The following LEPR variants were observed in gnomAD, a reference collection of about 807,000 sequenced individuals.
LEPR encodes OB receptor.
A neutral mutation model predicts 114.7 loss-of-function variants in LEPR; 56 were observed. That is an observed-to-expected ratio of 0.49 (90% CI 0.39 to 0.61). LEPR has a LOEUF of 0.61. Among genes scored for constraint, LEPR ranks in the 20% least tolerant of loss-of-function variants. The pLI is 0.00. For synonymous variants in LEPR, 443 were observed against 461.4 expected (o/e 0.96, Z 0.51); for missense variants, 1,202 against 1,352.9 (o/e 0.89, Z 1.75).
At chr1:65,624,528 T>C (rs115563900) in intron 19 of LEPR, among the ~76,000 whole-genome samples, 1,586 of 152,268 alleles carry the variant, frequency 0.01, 9 homozygotes, top group Non-Finnish European at 0.015. Context: ...AAAACTTAGG[T>C]TGGTGCAAAA....
At chr1:65,475,267 C>T (rs1398095492) in intron 2 of LEPR, among the ~76,000 whole-genome samples, 1 of 152,172 alleles carries the variant, frequency 6.6e-6, no homozygotes, top group Non-Finnish European at 1.5e-5. Context: ...ATTCATTCTG[C>T]TCTCCTCTGG....
intron 2 of LEPR, among the ~76,000 whole-genome samples, chr1:65,518,534 CT>C (rs1446536469): frequency 6.6e-6 from 1 of 152,214 alleles, no homozygotes; most frequent in African/African-American, 2.4e-5. Context: ...TTAATTTTTG[CT>C]GATAACATTT....
intron 5 of LEPR, among the ~76,000 whole-genome samples, chr1:65,573,058 C>G (rs553243401): frequency 6.6e-6 from 1 of 152,304 alleles, no homozygotes; most frequent in East Asian, 1.9e-4. Context: ...ACTGACAGCT[C>G]TGGTACTCTC....
chr1:65,558,404 C>CA (rs775362421), intron 2 of LEPR, among the ~76,000 whole-genome samples: 15 of 150,530 alleles, frequency 1.0e-4, no homozygotes, highest in Non-Finnish European at 2.2e-4. Context: ...GTAAAATAAA[C>CA]AAACACTTTT....
chr1:65,452,455 C>G (rs965450039), intron 2 of LEPR, among the ~76,000 whole-genome samples: 11 of 151,736 alleles, frequency 7.2e-5, no homozygotes, highest in Non-Finnish European at 1.5e-4. Flanking sequence ...TACGTCCCAT[C>G]AATACCTAAT....
chr1:65,556,071 C>T (rs1652795381), intron 2 of LEPR, among the ~76,000 whole-genome samples: 1 of 152,058 alleles, frequency 6.6e-6, no homozygotes, highest in African/African-American at 2.4e-5. Flanking sequence ...GTTATTAGGT[C>T]ATGAGGGTGG....
intron 3 of LEPR, among the ~76,000 whole-genome samples, chr1:65,566,435 C>G (rs761848495): frequency 1.3e-5 from 2 of 152,090 alleles, no homozygotes; most frequent in African/African-American, 4.8e-5. Context: ...CTCTTGACCT[C>G]GTGATCTGCC....
chr1:65,470,979 A>T (rs1197390326), intron 2 of LEPR, among the ~76,000 whole-genome samples: 1 of 152,196 alleles, frequency 6.6e-6, no homozygotes, highest in Non-Finnish European at 1.5e-5. Context: ...CGTGGTTCAA[A>T]AAACAGCTTC....
intron 2 of LEPR, among the ~76,000 whole-genome samples, chr1:65,553,422 T>TC (rs1416359008): frequency 1.4e-4 from 22 of 152,210 alleles, no homozygotes; most frequent in Non-Finnish European, 1.5e-5. Flanking sequence ...TTCTTTGCAT[T>TC]CTTTTTTTTT....
chr1:65,640,280 A>G lies in LEPR; in HGVS notation c.*3265A>G, dbSNP rs944082711. The G allele has an allele frequency of 6.6e-6, 1 of 152,198 alleles. No individual in the cohort carries two copies. The highest frequency in any genetic ancestry group is 2.4e-5 in the African/African-American group (1 of 41,460). 9.4% of individuals were successfully genotyped at this position (152,198 alleles called of 1,614,324 possible). ...ATGGATCAAGACATACTGCAACCACAAAGTTCCATCTCACTTAGATGTGGA... is the reference window on the plus strand; with the variant it reads ...ATGGATCAAGACATACTGCAACCACGAAGTTCCATCTCACTTAGATGTGGA... On this transcript the variant is annotated 3_prime_UTR_variant, in exon 20 of 20. Coordinates refer to ENST00000349533, the MANE Select transcript of LEPR (RefSeq NM_002303.6).
chr1:65,486,869 G>A (rs985782351), intron 2 of LEPR, among the ~76,000 whole-genome samples: 3 of 152,060 alleles, frequency 2.0e-5, no homozygotes, highest in African/African-American at 7.2e-5. Context: ...TTTCCATGAT[G>A]GTCAGCTGTT....
At chr1:65,476,878 A>G (rs769677979) in intron 2 of LEPR, among the ~76,000 whole-genome samples, 8 of 152,232 alleles carry the variant, frequency 5.3e-5, no homozygotes, top group Non-Finnish European at 1.0e-4. Flanking sequence ...TAAGGTGCGA[A>G]GAAAACAATT....
intron 2 of LEPR, among the ~76,000 whole-genome samples, chr1:65,425,817 G>A (rs1306235107): frequency 2.0e-5 from 3 of 152,216 alleles, no homozygotes; most frequent in Non-Finnish European, 4.4e-5. Flanking sequence ...TCTGAGCCAA[G>A]ACTAGGTGGA....
At chr1:65,623,070 T>C in intron 19 of LEPR, 89 bp downstream of exon 19, 1 of 1,244,906 alleles carries the variant, frequency 8.0e-7, no homozygotes, top group Admixed American at 2.0e-5. Context: ...ATTTTTAAGA[T>C]TTAAAAGGTC....
chr1:65,546,481 C>T lies in LEPR; in HGVS notation c.-20-19065C>T, dbSNP rs533529793. On this transcript the variant is annotated intron_variant, in intron 2 of 19. Transcript: ENST00000349533. ...CATTTGTTTGTATCCTCTTTTATTTCCTTGAGCAGTGGTTTGTAGTTCTCC... is the reference window on the plus strand; with the variant it reads ...CATTTGTTTGTATCCTCTTTTATTTTCTTGAGCAGTGGTTTGTAGTTCTCC... Among the ~76,000 whole-genome samples the T allele has an allele frequency of 3.5e-3, 533 of 152,214 alleles. 2 individuals are homozygous for T. Among genetic ancestry groups the T allele is most frequent in the African/African-American group, 0.012 (492 of 41,514 alleles).
In LEPR at chr1:65,629,348, G is replaced by A. The variant is rs528572297; in HGVS notation, c.2673+6367G>A. ...TTCCTTAAGTCAGGGTTGATATGATGTTCTGTGTTGTAATTTGTCTGTGGT... is the reference window on the plus strand; with the variant it reads ...TTCCTTAAGTCAGGGTTGATATGATATTCTGTGTTGTAATTTGTCTGTGGT... On this transcript the variant is annotated intron_variant, in intron 19 of 19. Coordinates refer to ENST00000349533, the MANE Select transcript of LEPR (RefSeq NM_002303.6). The A allele has an allele frequency of 1.3e-5, 6 of 447,374 alleles. No individual in the cohort carries two copies. The East Asian group carries it at 3.6e-4, about 27-fold the overall frequency. The allele number at this position is 447,374 out of a possible 1,614,324, so 27.7% of individuals were successfully genotyped here. A position where few individuals can be genotyped will look rare whatever the true frequency, so the allele number is the denominator to read the frequency against.
At chr1:65,596,917 C>G (rs1274729643) in intron 7 of LEPR, among the ~76,000 whole-genome samples, 1 of 151,966 alleles carries the variant, frequency 6.6e-6, no homozygotes, top group Admixed American at 6.6e-5. Context: ...TTTTGCTTGG[C>G]TAATCATTAG....
chr1:65,577,973 C>T (rs1299987936), intron 5 of LEPR, among the ~76,000 whole-genome samples: 1 of 151,194 alleles, frequency 6.6e-6, no homozygotes, highest in Non-Finnish European at 1.5e-5. Flanking sequence ...TCCCACCCCC[C>T]TACAGGCCCC....
intron 19 of LEPR, among the ~76,000 whole-genome samples, chr1:65,635,865 C>T (rs939217758): frequency 5.9e-5 from 9 of 152,080 alleles, no homozygotes; most frequent in African/African-American, 2.2e-4. Context: ...CTTGCAGACA[C>T]TAATTTATTT....
Sources: gnomAD v4.1 joint callset for allele counts (sites outside exome capture counted in the v4.1 genomes callset) on GRCh38, gnomAD v4.1.1 for gene constraint, MANE v1.5 for transcripts, NCBI Gene and HGNC (gene_info 2026-07-23, HGNC 2026-07-21) for gene names.